The following UBE2L3 variants were observed in gnomAD, a reference collection of about 807,000 sequenced individuals.
UBE2L3 encodes the protein ubiquitin-conjugating enzyme E2 L3.
In UBE2L3, 1 loss-of-function variant was observed where a neutral mutation model predicts 17.8. That is an observed-to-expected ratio of 0.06 (90% confidence interval 0.02 to 0.27). The LOEUF (loss-of-function observed/expected upper bound fraction) is 0.27. Ranked by LOEUF, UBE2L3 falls within the 10% of genes least tolerant of loss-of-function variation. UBE2L3 has a pLI of 1.00. For missense variants in UBE2L3, 40 were observed against 192.6 expected, an observed-to-expected ratio of 0.21 and a Z score of 4.69; for synonymous variants, 44 against 68.5, an observed-to-expected ratio of 0.64 and a Z score of 1.76.
intron 3 of UBE2L3, among the ~76,000 whole-genome samples, chr22:21,615,452 G>C (rs1297032380): frequency 6.6e-6 from 1 of 151,762 alleles, no homozygotes; most frequent in East Asian, 1.9e-4. Flanking sequence ...CTACTCGGGA[G>C]GCTGAGGCAG....
chr22:21,576,970 A>AT (rs149443941), intron 1 of UBE2L3, among the ~76,000 whole-genome samples: 1,462 of 126,006 alleles, frequency 0.012, 25 homozygotes, highest in African/African-American at 0.037. Context: ...TGCCTGGCTA[A>AT]TTTTTTTTTT....
chr22:21,599,744 G>C (rs1318860826), intron 2 of UBE2L3, among the ~76,000 whole-genome samples: 1 of 152,184 alleles, frequency 6.6e-6, no homozygotes. Context: ...GTGCAGCAGA[G>C]GCCTGACGGC....
chr22:21,606,571 C>T (rs1448143859), intron 2 of UBE2L3, among the ~76,000 whole-genome samples: 1 of 152,184 alleles, frequency 6.6e-6, no homozygotes, highest in East Asian at 1.9e-4. Context: ...AAACTAAAAG[C>T]TGGCTGGGTA....
intron 2 of UBE2L3, among the ~76,000 whole-genome samples, chr22:21,596,119 C>G (rs1254189618): frequency 1.3e-5 from 2 of 152,168 alleles, no homozygotes; most frequent in Non-Finnish European, 2.9e-5. Flanking sequence ...CCTCCTCAGT[C>G]TCCCAAAGTG....
intron 2 of UBE2L3, among the ~76,000 whole-genome samples, chr22:21,595,770 G>T (rs1427911488): frequency 6.6e-6 from 1 of 152,048 alleles, no homozygotes; most frequent in East Asian, 1.9e-4. Flanking sequence ...TGCCCTTTAG[G>T]AACTAGAGGT....
At chr22:21,560,753 G>T (rs867644978) in intron 1 of UBE2L3, among the ~76,000 whole-genome samples, 5,872 of 146,110 alleles carry the variant, frequency 0.04, 80 homozygotes, top group African/African-American at 0.15. Context: ...TCCCGGGCTG[G>T]ATCTATTTCA....
chr22:21,558,728 G>C (rs1926328394), intron 1 of UBE2L3, among the ~76,000 whole-genome samples: 1 of 151,450 alleles, frequency 6.6e-6, no homozygotes, highest in South Asian at 2.1e-4. Flanking sequence ...AATCTCGAGT[G>C]ATCCTCCCAC....
intron 2 of UBE2L3, among the ~76,000 whole-genome samples, chr22:21,609,702 AAAAT>A (rs1024290310): frequency 3.9e-5 from 6 of 152,152 alleles, no homozygotes; most frequent in East Asian, 3.9e-4. Flanking sequence ...GACCCTGTCA[AAAAT>A]AAATAAGTAA....
rs1358962849 is a variant in UBE2L3 at position 21,557,374 on chromosome 22, C to CA, written c.201+7731dup. Reference sequence around the variant, plus strand: ...AGAGCCAGACTCTGTTTCAAACAACCAAAAAAACGAAAAACCCAACCCCCC... The same window carrying CA: ...AGAGCCAGACTCTGTTTCAAACAACCAAAAAAAACGAAAAACCCAACCCCCC... On this transcript the variant is annotated intron_variant, in intron 1 of 3. Coordinates refer to the UBE2L3 transcript ENST00000458578. 2.0e-5 allele frequency among the ~76,000 whole-genome samples: 3 copies of CA among 152,102 alleles called. No homozygotes were observed. The East Asian group carries it at 5.8e-4, about 29-fold the overall frequency.
At chr22:21,586,898 A>G (rs1053208255) in intron 1 of UBE2L3, among the ~76,000 whole-genome samples, 2 of 101,344 alleles carry the variant, frequency 2.0e-5, no homozygotes, top group African/African-American at 7.8e-5. Context: ...TTTTTTTTTT[A>G]AGATAGGTTC....
intron 1 of UBE2L3, among the ~76,000 whole-genome samples, chr22:21,579,765 T>G (rs1441861700): frequency 6.6e-6 from 1 of 152,012 alleles, no homozygotes; most frequent in Non-Finnish European, 1.5e-5. Flanking sequence ...AGCAAGACCC[T>G]GTCTCAGGGG....
At chr22:21,594,643 G>A (rs989428628) in intron 2 of UBE2L3, among the ~76,000 whole-genome samples, 1 of 152,060 alleles carries the variant, frequency 6.6e-6, no homozygotes, top group Non-Finnish European at 1.5e-5. Flanking sequence ...TTTAAATCTG[G>A]GAGCTTCCAG....
chr22:21,581,201 G>C (rs909508616), intron 1 of UBE2L3, among the ~76,000 whole-genome samples: 3 of 151,960 alleles, frequency 2.0e-5, no homozygotes, highest in Non-Finnish European at 4.4e-5. Flanking sequence ...GACTATAGGT[G>C]AACACTACCA....
At position 21,584,571 on chromosome 22, in the gene UBE2L3, A is replaced by G. The variant is rs111398161; in HGVS notation, c.28-8290A>G. Among the ~76,000 whole-genome samples, 10 of 152,002 alleles carry G rather than the reference A, an allele frequency of 6.6e-5. 2 individuals are homozygous for G. The highest frequency in any genetic ancestry group is 2.4e-4 in the African/African-American group (10 of 41,508). Reference sequence around the variant, plus strand: ...CAGACTGGAGTGCAGTGGCATGATCATGGGCTCAGGCAATCCTTCCGCTTC... The same window carrying G: ...CAGACTGGAGTGCAGTGGCATGATCGTGGGCTCAGGCAATCCTTCCGCTTC... On this transcript the variant is annotated intron_variant, in intron 1 of 3. Transcript: ENST00000342192.
chr22:21,621,615 T>C lies in UBE2L3; in HGVS notation c.411T>C (p.Cys137=). 6.2e-7 allele frequency: 1 copy of C among 1,607,302 alleles called. No homozygotes were observed. ...EEYSKDRKKF[C]KNAEEFTKKY... is the part of the protein sequence containing the mutation. ...ACTCTAAGGACCGTAAAAAATTCTG[T>C]AAGAATGCTGAAGAGTTTACAAAGA... Residue 137 remains cysteine (C), a synonymous_variant, in exon 4 of 4, where the codon TGT becomes TGC. Coordinates refer to ENST00000342192, the MANE Select transcript of UBE2L3 (RefSeq NM_003347.4).
chr22:21,615,366 T>C (rs570211183), intron 3 of UBE2L3, among the ~76,000 whole-genome samples: 48 of 151,168 alleles, frequency 3.2e-4, no homozygotes, highest in South Asian at 6.3e-4. Context: ...CCATCCTGGC[T>C]AACATGGTGA....
upstream of UBE2L3, chr22:21,567,683 G>C (rs1049957261): frequency 4.3e-5 from 67 of 1,555,116 alleles, no homozygotes; most frequent in Non-Finnish European, 5.6e-5. Context: ...AGGAAGTGCG[G>C]GGGCTCCAGC....
chr22:21,615,225 CAATG>C (rs1456799409), intron 3 of UBE2L3, among the ~76,000 whole-genome samples: 1 of 151,718 alleles, frequency 6.6e-6, no homozygotes, highest in Non-Finnish European at 1.5e-5. Context: ...CCATAAAAAG[CAATG>C]AAGTACTGTC....
In UBE2L3 at chr22:21,606,314, T is replaced by TGTGTGTGTGTGTGTG. The variant is rs1491306846; in HGVS notation, c.124-4543_124-4542insGTGTGTGTGTGTGTG. 7.8e-5 allele frequency among the ~76,000 whole-genome samples: 10 copies of TGTGTGTGTGTGTGTG among 128,500 alleles called. No individual in the cohort carries two copies. The South Asian group carries it at 8.8e-4, about 11-fold the overall frequency. The allele number at this position is 128,500 out of a possible 152,430, so 84.3% of individuals were successfully genotyped here. A position where few individuals can be genotyped will look rare whatever the true frequency, so the allele number is the denominator to read the frequency against. ...AGTGTGCGCGCGCGCGTGTGTGTGG[T>TGTGTGTGTGTGTGTG]ATGTGTGTGTGTGTGTGGTGTGTGT... On this transcript the variant is annotated intron_variant, in intron 2 of 3. Coordinates refer to ENST00000342192, the MANE Select transcript of UBE2L3 (RefSeq NM_003347.4).
Sources: gnomAD v4.1 joint callset for allele counts (sites outside exome capture counted in the v4.1 genomes callset) on GRCh38, gnomAD v4.1.1 for gene constraint, MANE v1.5 for transcripts, NCBI Gene and HGNC (gene_info 2026-07-23, HGNC 2026-07-21) for gene names.